COLEC12: variants seen among roughly 807,000 people sequenced by gnomAD.
The protein encoded by COLEC12 is collectin subfamily member 12.
Under a neutral mutation model 71.1 loss-of-function variants are expected in COLEC12, and 33 were observed. That is an observed-to-expected ratio of 0.46 (90% CI 0.35 to 0.62). COLEC12 has a LOEUF of 0.62. COLEC12 is among the 20% of genes least tolerant of loss of function. The pLI is 0.00. For missense variants in COLEC12, 765 were observed against 916.1 expected (o/e 0.84, Z 2.13); for synonymous variants, 350 against 353.0 (o/e 0.99, Z 0.10).
rs1466163383 is a variant in COLEC12, at chr18:321,813, A to C, written c.2064-6T>G. The C allele has an allele frequency of 5.6e-6, 9 of 1,612,736 alleles. No homozygotes were observed. The highest frequency in any genetic ancestry group is 7.6e-6 in the Non-Finnish European group (9 of 1,179,570). On this transcript the variant is annotated splice_polypyrimidine_tract_variant and splice_region_variant and intron_variant, in intron 8 of 9. Coordinates refer to ENST00000400256, the MANE Select transcript of COLEC12 (RefSeq NM_130386.3). ...GCTGTCCAGCTTTCCAATTTCTTTT[A>C]GCAAAACAGAAATTGAATGTTATTT... is the stretch of plus-strand genomic sequence containing the variant.
At chr18:481,581 G>A (rs1269379488) in intron 1 of COLEC12, among the ~76,000 whole-genome samples, 2 of 152,152 alleles carry the variant, frequency 1.3e-5, no homozygotes, top group Non-Finnish European at 2.9e-5. Flanking sequence ...GCACGTGCCT[G>A]TAATCCCAGC....
At chr18:486,248 C>T (rs1394929014) in intron 1 of COLEC12, among the ~76,000 whole-genome samples, 1 of 152,128 alleles carries the variant, frequency 6.6e-6, no homozygotes, top group Non-Finnish European at 1.5e-5. Context: ...TGCAGTGGAA[C>T]CATCTCAGCT....
chr18:330,873 G>GTTTTTTTTTTTTT, intron 8 of COLEC12, among the ~76,000 whole-genome samples: 1 of 133,766 alleles, frequency 7.5e-6, no homozygotes, highest in Non-Finnish European at 1.5e-5. Context: ...CACATTTGTA[G>GTTTTTTTTTTTTT]TTTTTTTTTT....
intron 8 of COLEC12, among the ~76,000 whole-genome samples, chr18:330,777 G>T (rs190256105): frequency 2.3e-3 from 342 of 151,848 alleles, no homozygotes; most frequent in Non-Finnish European, 3.9e-3. Context: ...AACTTATGGG[G>T]AATCTTCAAA....
At chr18:384,238 C>T (rs1362416292) in intron 2 of COLEC12, among the ~76,000 whole-genome samples, 1 of 152,084 alleles carries the variant, frequency 6.6e-6, no homozygotes, top group Non-Finnish European at 1.5e-5. Flanking sequence ...CCCAGGCATG[C>T]ATCCAGCGGA....
In COLEC12 at chr18:478,812, G is replaced by A. The variant is rs73942503; in HGVS notation, c.58+1895C>T. Among the ~76,000 whole-genome samples the A allele has an allele frequency of 5.7e-3, 870 of 152,046 alleles. 8 individuals carry two copies. The highest frequency in any genetic ancestry group is 0.019 in the African/African-American group (802 of 41,470). On this transcript the variant is annotated intron_variant, in intron 2 of 9. Transcript: ENST00000400256. Reference sequence around the variant, plus strand: ...TTCGTCCTTCTCTTCTATTTGTACCGCTTGGCATCACTCTCTTCCAGCCTC... The same window carrying A: ...TTCGTCCTTCTCTTCTATTTGTACCACTTGGCATCACTCTCTTCCAGCCTC...
chr18:404,692 C>G (rs749237012), intron 2 of COLEC12, among the ~76,000 whole-genome samples: 3 of 152,148 alleles, frequency 2.0e-5, no homozygotes, highest in Non-Finnish European at 2.9e-5. Context: ...ATCTCTTAAT[C>G]CTGTTATCTT....
At chr18:467,037 C>T (rs570235588) in intron 2 of COLEC12, among the ~76,000 whole-genome samples, 1 of 152,302 alleles carries the variant, frequency 6.6e-6, no homozygotes, top group African/African-American at 2.4e-5. Context: ...TTCAATTTAT[C>T]AGAATACACC....
At chr18:453,325 A>C (rs1001325485) in intron 2 of COLEC12, among the ~76,000 whole-genome samples, 1 of 152,170 alleles carries the variant, frequency 6.6e-6, no homozygotes, top group Non-Finnish European at 1.5e-5. Context: ...AAGAAATGAG[A>C]GGGAGAAGGA....
intron 5 of COLEC12, among the ~76,000 whole-genome samples, chr18:341,815 C>T (rs1272350616): frequency 1.3e-5 from 2 of 152,130 alleles, no homozygotes; most frequent in Non-Finnish European, 2.9e-5. Context: ...GTACATGAAT[C>T]CAGCTCTGTC....
chr18:419,775 A>G (rs1017174424), intron 2 of COLEC12, among the ~76,000 whole-genome samples: 2 of 152,188 alleles, frequency 1.3e-5, no homozygotes, highest in African/African-American at 4.8e-5. Context: ...CCTCATTAAG[A>G]GGTGATATCT....
chr18:411,830 A>G (rs560603754), intron 2 of COLEC12, among the ~76,000 whole-genome samples: 1 of 152,224 alleles, frequency 6.6e-6, no homozygotes, highest in African/African-American at 2.4e-5. Context: ...AACCAGAAAC[A>G]AACAAAAAAC....
intron 2 of COLEC12, among the ~76,000 whole-genome samples, chr18:403,006 A>T (rs1466623405): frequency 2.0e-5 from 3 of 151,940 alleles, no homozygotes; most frequent in Admixed American, 1.3e-4. Flanking sequence ...ACTTTTCAAT[A>T]CTCAGTTCTT....
rs1291574045 is a variant in COLEC12, at chr18:474,792, G to C, written c.58+5915C>G. 2.0e-5 allele frequency among the ~76,000 whole-genome samples: 3 copies of C among 152,168 alleles called. No homozygotes were observed. The East Asian group carries it at 5.8e-4, about 29-fold the overall frequency. ...GACACCGAATTCTTATTAAATCAGA[G>C]GCCAGGGGTGGTGGCTACGCCTGTA... On this transcript the variant is annotated intron_variant, in intron 2 of 9. Transcript: ENST00000400256.
rs977576775 is a variant in COLEC12, at chr18:400,484, CTTT to C, written c.59-42965_59-42963del. Reference sequence around the variant, plus strand: ...CTCTAAACGGCATGTTTCCTTTCTTCTTTATTAGGAATTTCTTCAGAATTACCT... The same window carrying C: ...CTCTAAACGGCATGTTTCCTTTCTTCATTAGGAATTTCTTCAGAATTACCT... On this transcript the variant is annotated intron_variant, in intron 2 of 9. Transcript: ENST00000400256. 1.4e-4 allele frequency among the ~76,000 whole-genome samples: 22 copies of C among 152,272 alleles called. No individual in the cohort carries two copies. The East Asian group carries it at 3.9e-3, about 27-fold the overall frequency.
intron 2 of COLEC12, among the ~76,000 whole-genome samples, chr18:455,777 T>G (rs888864259): frequency 6.6e-6 from 1 of 152,180 alleles, no homozygotes; most frequent in Admixed American, 6.5e-5. Flanking sequence ...GTTAGTTTGC[T>G]GAGAATGATG....
chr18:461,255 G>A (rs1916977918), intron 2 of COLEC12, among the ~76,000 whole-genome samples: 1 of 150,852 alleles, frequency 6.6e-6, no homozygotes. Flanking sequence ...ATATTAAAAG[G>A]TAAAAGGAAA....
chr18:497,632 T>C (rs903506042), intron 1 of COLEC12, among the ~76,000 whole-genome samples: 1 of 152,216 alleles, frequency 6.6e-6, no homozygotes, highest in Non-Finnish European at 1.5e-5. Context: ...GGTTTCACTA[T>C]ATGGTGATCC....
intron 2 of COLEC12, among the ~76,000 whole-genome samples, chr18:409,612 A>G (rs1021999960): frequency 1.3e-5 from 2 of 152,206 alleles, no homozygotes; most frequent in Non-Finnish European, 2.9e-5. Flanking sequence ...ATGATTTTGT[A>G]GGTATTTATT....
Sources: gnomAD v4.1 joint callset for allele counts (sites outside exome capture counted in the v4.1 genomes callset) on GRCh38, gnomAD v4.1.1 for gene constraint, MANE v1.5 for transcripts, NCBI Gene and HGNC (gene_info 2026-07-23, HGNC 2026-07-21) for gene names.